SPAG16: variants seen among roughly 807,000 people sequenced by gnomAD.
The protein encoded by SPAG16 is sperm-associated antigen 16 protein.
In SPAG16, 86 loss-of-function variants were observed where a neutral mutation model predicts 80.4. That is an observed-to-expected ratio of 1.07 (90% CI 0.90 to 1.28). The LOEUF (loss-of-function observed/expected upper bound fraction) is 1.28. Ranked by LOEUF, SPAG16 falls within the 50% of genes most tolerant of loss-of-function variation. The pLI is 0.00. For synonymous variants in SPAG16, 294 were observed against 265.9 expected (o/e 1.11, Z -1.03); for missense variants, 870 against 765.3 (o/e 1.14, Z -1.61).
At chr2:213,533,567 G>A (rs1168332566) in intron 10 of SPAG16, among the ~76,000 whole-genome samples, 1 of 152,084 alleles carries the variant, frequency 6.6e-6, no homozygotes, top group African/African-American at 2.4e-5. Context: ...TAGGTTGATT[G>A]TAATATATTT....
At chr2:213,537,043 T>G (rs939012400) in intron 10 of SPAG16, among the ~76,000 whole-genome samples, 1 of 151,742 alleles carries the variant, frequency 6.6e-6, no homozygotes, top group Non-Finnish European at 1.5e-5. Context: ...ATCATCATTC[T>G]CAGTAAACTA....
intron 10 of SPAG16, among the ~76,000 whole-genome samples, chr2:213,800,487 C>T (rs2125635890): frequency 6.6e-6 from 1 of 152,134 alleles, no homozygotes; most frequent in African/African-American, 2.4e-5. Context: ...CCACCTTAGC[C>T]TCCTTGAGTA....
In SPAG16 at chr2:213,672,970, G is replaced by A. The variant is rs2063879692; in HGVS notation, c.1070+182880G>A. Among the ~76,000 whole-genome samples, 3 of 150,076 alleles carry A rather than the reference G, an allele frequency of 2.0e-5. No individual in the cohort carries two copies. The South Asian group carries it at 6.3e-4, about 31-fold the overall frequency. On this transcript the variant is annotated intron_variant, in intron 10 of 15. Transcript: ENST00000331683. ...GCCTCCTGGGTTCACCCATTGTCCT[G>A]CCTCAGCCAATGATCAGGTCTTTAA...
intron 9 of SPAG16, among the ~76,000 whole-genome samples, chr2:213,393,091 G>C (rs76957025): frequency 0.015 from 2,251 of 151,940 alleles, 30 homozygotes; most frequent in South Asian, 0.038. Context: ...CAGAATAAAA[G>C]TAATTAAGAG....
At chr2:214,241,991 C>T (rs1392625695) in intron 15 of SPAG16, among the ~76,000 whole-genome samples, 1 of 152,124 alleles carries the variant, frequency 6.6e-6, no homozygotes, top group Non-Finnish European at 1.5e-5. Context: ...TATAGCTTAA[C>T]ATTCTCTTGC....
chr2:213,852,617 A>G (rs1387815020), intron 10 of SPAG16, among the ~76,000 whole-genome samples: 1 of 152,112 alleles, frequency 6.6e-6, no homozygotes, highest in African/African-American at 2.4e-5. Flanking sequence ...AGACCATCCT[A>G]AAGGTACTTC....
intron 10 of SPAG16, among the ~76,000 whole-genome samples, chr2:213,667,715 A>G (rs1232954722): frequency 1.3e-5 from 2 of 151,996 alleles, no homozygotes; most frequent in South Asian, 2.1e-4. Context: ...AGAGAAATAA[A>G]CATATTTATA....
At chr2:214,197,572 A>C in intron 15 of SPAG16, among the ~76,000 whole-genome samples, 1 of 152,126 alleles carries the variant, frequency 6.6e-6, no homozygotes, top group East Asian at 1.9e-4. Flanking sequence ...CTACACATTT[A>C]CTGAAAAATT....
At chr2:213,702,317 C>T (rs770791642) in intron 10 of SPAG16, among the ~76,000 whole-genome samples, 2 of 152,252 alleles carry the variant, frequency 1.3e-5, no homozygotes, top group Non-Finnish European at 2.9e-5. Context: ...CGGCAACCCG[C>T]TTGGGTCTCT....
intron 10 of SPAG16, among the ~76,000 whole-genome samples, chr2:213,821,466 G>A (rs1210824416): frequency 6.6e-6 from 1 of 151,998 alleles, no homozygotes; most frequent in Admixed American, 6.6e-5. Flanking sequence ...GGGTACATGG[G>A]ATATTTTGAT....
intron 10 of SPAG16, among the ~76,000 whole-genome samples, chr2:213,643,402 A>ATATATATG (rs2062696827): frequency 8.5e-5 from 4 of 46,798 alleles, no homozygotes; most frequent in Non-Finnish European, 1.2e-4. Flanking sequence ...ATATATATAT[A>ATATATATG]TATATATATT....
At chr2:213,716,968 T>C (rs1328574686) in intron 10 of SPAG16, among the ~76,000 whole-genome samples, 3 of 152,146 alleles carry the variant, frequency 2.0e-5, no homozygotes. Context: ...TCATAGTTTG[T>C]GCTTATTTTT....
rs73987971 is a variant in SPAG16, at chr2:213,309,986, T to A, written c.280-73T>A. ...AAAAATGAATGGATGAATGAATGAG[T>A]CGAAGGCTTATCTATATCATTAATT... is the stretch of plus-strand genomic sequence containing the variant. On this transcript the variant is annotated intron_variant, in intron 3 of 15. Coordinates refer to ENST00000331683, the MANE Select transcript of SPAG16 (RefSeq NM_024532.5). 534 of 926,856 alleles carry A rather than the reference T, an allele frequency of 5.8e-4. 3 individuals are homozygous for A. In the African/African-American group the frequency reaches 7.2e-3, roughly 12 times the overall value. The allele number at this position is 926,856 out of a possible 1,614,324, so 57.4% of individuals were successfully genotyped here.
At chr2:213,592,804 T>C (rs905190505) in intron 10 of SPAG16, among the ~76,000 whole-genome samples, 40 of 152,236 alleles carry the variant, frequency 2.6e-4, no homozygotes, top group Non-Finnish European at 8.8e-5. Context: ...CTAAATGGTG[T>C]GATCACTTCG....
At chr2:213,667,226 ATGTTGGTG>A (rs1323033793) in intron 10 of SPAG16, among the ~76,000 whole-genome samples, 1 of 152,206 alleles carries the variant, frequency 6.6e-6, no homozygotes, top group Non-Finnish European at 1.5e-5. Context: ...CATGAACTAC[ATGTTGGTG>A]TTAAATAAAA....
chr2:213,786,951 G>A (rs2070381062), intron 10 of SPAG16, among the ~76,000 whole-genome samples: 1 of 152,058 alleles, frequency 6.6e-6, no homozygotes, highest in African/African-American at 2.4e-5. Flanking sequence ...AATGATATAA[G>A]TGGTATGGAA....
chr2:213,537,300 C>T (rs1272089801), intron 10 of SPAG16, among the ~76,000 whole-genome samples: 1 of 151,604 alleles, frequency 6.6e-6, no homozygotes, highest in Non-Finnish European at 1.5e-5. Context: ...TACCCTAAAA[C>T]TTAAAGTATA....
At chr2:214,052,046 A>G (rs2049675382) in intron 13 of SPAG16, among the ~76,000 whole-genome samples, 1 of 152,224 alleles carries the variant, frequency 6.6e-6, no homozygotes, top group Admixed American at 6.5e-5. Context: ...ATTCTCAAAC[A>G]TTTGAATGTG....
At chr2:214,161,971 TTCTTC>T in intron 15 of SPAG16, among the ~76,000 whole-genome samples, 1 of 152,148 alleles carries the variant, frequency 6.6e-6, no homozygotes, top group East Asian at 1.9e-4. Context: ...CACAAAAATA[TTCTTC>T]TCTTCTAGCA....
Sources: allele counts gnomAD v4.1 joint callset (sites outside exome capture counted in the v4.1 genomes callset), GRCh38; gene constraint gnomAD v4.1.1; transcripts MANE v1.5; gene names NCBI Gene and HGNC (gene_info 2026-07-23, HGNC 2026-07-21).